CTNNBL1: variants seen among roughly 807,000 people sequenced by gnomAD.
CTNNBL1 encodes beta-catenin-like protein 1.
In CTNNBL1, 31 loss-of-function variants were observed where a neutral mutation model predicts 72.7. That is an observed-to-expected ratio of 0.43 (90% CI 0.32 to 0.58). The LOEUF (loss-of-function observed/expected upper bound fraction) is 0.58. Ranked by LOEUF, CTNNBL1 falls within the 20% of genes least tolerant of loss-of-function variation. The probability of loss-of-function intolerance (pLI) is 0.08; values close to 1 mark genes in which losing one functional copy is unlikely to be tolerated. For synonymous variants in CTNNBL1, 240 were observed against 267.3 expected, an observed-to-expected ratio of 0.90 and a Z score of 1.00; for missense variants, 534 against 725.1, an observed-to-expected ratio of 0.74 and a Z score of 3.03.
At position 37,694,102 on chromosome 20, in the gene CTNNBL1, G is replaced by C. The variant is rs779816351; in HGVS notation, c.-21G>C. The C allele has an allele frequency of 6.2e-7, 1 of 1,604,554 alleles. No homozygotes were observed. Among genetic ancestry groups the C allele is most frequent in the Admixed American group, 1.7e-5 (1 of 59,120 alleles). ...CTGGGCGTGAGTGCAGGGAAGTGGA[G>C]TATTTGCTGGGCCGGGTACCATGGA... is the stretch of plus-strand genomic sequence containing the variant. On this transcript the variant is annotated 5_prime_UTR_variant, in exon 1 of 16. Coordinates refer to ENST00000361383, the MANE Select transcript of CTNNBL1 (RefSeq NM_030877.5).
rs1255625665 is a variant in CTNNBL1, at chr20:37,795,450, A to C, written c.1032-7417A>C. Among the ~76,000 whole-genome samples, 3 of 152,240 alleles carry C rather than the reference A, an allele frequency of 2.0e-5. No individual in the cohort carries two copies. In the East Asian group the frequency reaches 5.8e-4, roughly 29 times the overall value. ...TGGTATGTATATGATATAATTATAAATTGTGTATTATAAAATATGATTCCA... is the reference window on the plus strand; with the variant it reads ...TGGTATGTATATGATATAATTATAACTTGTGTATTATAAAATATGATTCCA... On this transcript the variant is annotated intron_variant, in intron 10 of 15. Transcript: ENST00000361383.
At chr20:37,844,823 G>A (rs113623543) in intron 13 of CTNNBL1, among the ~76,000 whole-genome samples, 8,115 of 152,124 alleles carry the variant, frequency 0.053, 295 homozygotes, top group Middle Eastern at 0.065. Flanking sequence ...TGGCGCACGC[G>A]TGTAATCCCA....
At chr20:37,708,420 C>A (rs570268402) in intron 1 of CTNNBL1, among the ~76,000 whole-genome samples, 12 of 152,196 alleles carry the variant, frequency 7.9e-5, no homozygotes, top group Non-Finnish European at 5.9e-5. Context: ...GATCTGCCCA[C>A]CTCAGCCTCC....
intron 5 of CTNNBL1, among the ~76,000 whole-genome samples, chr20:37,761,792 A>G (rs2073419824): frequency 6.6e-6 from 1 of 152,254 alleles, no homozygotes; most frequent in African/African-American, 2.4e-5. Flanking sequence ...AGGTTGGATT[A>G]AATAGTCAGG....
At chr20:37,854,698 C>T (rs189762914) in intron 13 of CTNNBL1, among the ~76,000 whole-genome samples, 711 of 151,822 alleles carry the variant, frequency 4.7e-3, no homozygotes, top group Non-Finnish European at 7.4e-3. Flanking sequence ...AAGTGATTCT[C>T]CTGCCTCAGC....
chr20:37,733,870 C>G (rs2073150888), intron 2 of CTNNBL1, among the ~76,000 whole-genome samples: 1 of 152,210 alleles, frequency 6.6e-6, no homozygotes, highest in Admixed American at 6.5e-5. Context: ...GTTCACAGCT[C>G]TATCTTTGGC....
At chr20:37,831,043 AAG>A (rs2072204630) in intron 11 of CTNNBL1, among the ~76,000 whole-genome samples, 1 of 152,212 alleles carries the variant, frequency 6.6e-6, no homozygotes, top group Non-Finnish European at 1.5e-5. Context: ...TTCAAAAACT[AAG>A]TGTGCCCATA....
intron 2 of CTNNBL1, among the ~76,000 whole-genome samples, chr20:37,736,250 A>G (rs1322060643): frequency 2.0e-5 from 3 of 152,182 alleles, no homozygotes; most frequent in Non-Finnish European, 2.9e-5. Context: ...AGCAGTGACT[A>G]TAGCTAATTA....
intron 11 of CTNNBL1, among the ~76,000 whole-genome samples, chr20:37,828,967 C>G (rs562853180): frequency 4.1e-4 from 63 of 152,330 alleles, no homozygotes; most frequent in Non-Finnish European, 6.6e-4. Context: ...CCTGCTACTT[C>G]AGCTGCCAGT....
At position 37,765,303 on chromosome 20, in the gene CTNNBL1, G is replaced by T; in HGVS notation, c.658+13G>T. Reference sequence around the variant, plus strand: ...CACAACACTCTGGGTGAGAGGAAGGGTGCTTGCCATTGCCTGAGTTGCTTT... The same window carrying T: ...CACAACACTCTGGGTGAGAGGAAGGTTGCTTGCCATTGCCTGAGTTGCTTT... On this transcript the variant is annotated intron_variant, in intron 6 of 15. Transcript: ENST00000361383. 1 of 1,522,392 alleles carries T rather than the reference G, an allele frequency of 6.6e-7. No homozygotes were observed. Among genetic ancestry groups the T allele is most frequent in the Non-Finnish European group, 8.9e-7 (1 of 1,120,304 alleles). 94.3% of individuals were successfully genotyped at this position (1,522,392 alleles called of 1,614,324 possible). A position where few individuals can be genotyped will look rare whatever the true frequency, so the allele number is the denominator to read the frequency against.
At chr20:37,776,469 CAGAT>C (rs2073574435) in intron 7 of CTNNBL1, among the ~76,000 whole-genome samples, 1 of 152,148 alleles carries the variant, frequency 6.6e-6, no homozygotes. Context: ...TTCAAAAACA[CAGAT>C]AGGTAGCAAA....
chr20:37,725,096 A>G (rs974800249), intron 1 of CTNNBL1, among the ~76,000 whole-genome samples: 19 of 151,852 alleles, frequency 1.3e-4, no homozygotes, highest in African/African-American at 4.1e-4. Flanking sequence ...TTATAGAGAC[A>G]GGTCCTCACT....
intron 15 of CTNNBL1, among the ~76,000 whole-genome samples, chr20:37,867,872 C>T (rs1290950706): frequency 1.3e-5 from 2 of 152,084 alleles, no homozygotes; most frequent in Non-Finnish European, 1.5e-5. Flanking sequence ...AAAGAATGAG[C>T]AAGGGCAAAG....
chr20:37,778,684 A>G (rs1013191995), intron 9 of CTNNBL1, among the ~76,000 whole-genome samples: 1 of 152,200 alleles, frequency 6.6e-6, no homozygotes, highest in Admixed American at 6.5e-5. Context: ...GCTTCCTTAT[A>G]TTGAGCCACG....
intron 15 of CTNNBL1, among the ~76,000 whole-genome samples, chr20:37,867,544 T>A (rs2072546202): frequency 6.6e-6 from 1 of 152,216 alleles, no homozygotes; most frequent in Non-Finnish European, 1.5e-5. Flanking sequence ...AAAGCCTTTA[T>A]TATAAGAGCA....
intron 13 of CTNNBL1, among the ~76,000 whole-genome samples, chr20:37,859,357 CAA>C (rs1213162547): frequency 2.6e-4 from 29 of 110,448 alleles, no homozygotes; most frequent in African/African-American, 2.3e-4. Flanking sequence ...AACTCCATCT[CAA>C]AAAAAAAAAA....
chr20:37,737,884 G>A (rs750076129), intron 3 of CTNNBL1, among the ~76,000 whole-genome samples: 3 of 152,204 alleles, frequency 2.0e-5, no homozygotes, highest in Non-Finnish European at 2.9e-5. Flanking sequence ...TTTTTATGGA[G>A]GACTGGTCAT....
intron 10 of CTNNBL1, among the ~76,000 whole-genome samples, chr20:37,798,578 C>T (rs2073798455): frequency 1.3e-5 from 2 of 152,162 alleles, no homozygotes; most frequent in African/African-American, 4.8e-5. Flanking sequence ...CAAAGTTCAC[C>T]TCCATGCTGC....
intron 15 of CTNNBL1, among the ~76,000 whole-genome samples, chr20:37,867,765 G>T: frequency 6.6e-6 from 1 of 152,112 alleles, no homozygotes; most frequent in East Asian, 1.9e-4. Context: ...CCTCTGGGAG[G>T]ACTCTGTTCA....
Sources: allele counts gnomAD v4.1 joint callset (sites outside exome capture counted in the v4.1 genomes callset), GRCh38; gene constraint gnomAD v4.1.1; transcripts MANE v1.5; gene names NCBI Gene and HGNC (gene_info 2026-07-23, HGNC 2026-07-21).